CPA5: variants seen among roughly 807,000 people sequenced by gnomAD.
CPA5 encodes carboxypeptidase A5, also known as testicular tissue protein Li 32.
A neutral mutation model predicts 52.2 loss-of-function variants in CPA5; 38 were observed. That is an observed-to-expected ratio of 0.73 (90% CI 0.56 to 0.95). CPA5 has a LOEUF of 0.95. CPA5 is among the 40% of genes least tolerant of loss of function. The pLI, the probability that CPA5 is intolerant of heterozygous loss-of-function variation, is 0.00. For synonymous variants in CPA5, 198 were observed against 213.7 expected (o/e 0.93, Z 0.64); for missense variants, 519 against 566.7 (o/e 0.92, Z 0.86).
At position 130,367,472 on chromosome 7, in the gene CPA5, T is replaced by C. The variant is rs1796160360; in HGVS notation, c.939T>C (p.His313=). 1.9e-6 allele frequency: 3 copies of C among 1,614,140 alleles called. No individual in the cohort carries two copies. The highest frequency in any genetic ancestry group is 2.5e-6 in the Non-Finnish European group (3 of 1,180,024). Residue 313 remains histidine (H), a synonymous_variant, in exon 11 of 13, where the codon CAT becomes CAC. Transcript: ENST00000474905. ...VAAIVNFITA[H]GNFKALISIH... is the part of the protein sequence containing the mutation. The stretch of plus-strand genomic sequence containing the variant: ...CCATAGTGAACTTCATCACAGCCCA[T>C]GGCAACTTCAAGGCTCTGATCTCCA...
downstream of CPA5, among the ~76,000 whole-genome samples, chr7:130,369,689 G>A (rs541852943): frequency 8.6e-5 from 13 of 151,704 alleles, no homozygotes; most frequent in South Asian, 4.2e-4. Flanking sequence ...GTGTGTGTCC[G>A]TGTGTGTGTG....
At chr7:130,367,008 AAC>A (rs1441323026) in intron 10 of CPA5, among the ~76,000 whole-genome samples, 1 of 152,246 alleles carries the variant, frequency 6.6e-6, no homozygotes, top group African/African-American at 2.4e-5. Context: ...TCAGTGGTTT[AAC>A]ACAATGAAAG....
chr7:130,366,312 G>A (rs1796080061), intron 10 of CPA5, among the ~76,000 whole-genome samples: 1 of 152,136 alleles, frequency 6.6e-6, no homozygotes, highest in Non-Finnish European at 1.5e-5. Context: ...CTGATCTCTG[G>A]ACGGTGCCAA....
At chr7:130,371,484 C>T (rs1221680738), downstream of CPA5, among the ~76,000 whole-genome samples, 2 of 152,160 alleles carry the variant, frequency 1.3e-5, no homozygotes, top group Non-Finnish European at 2.9e-5. Context: ...GGATGAGGAA[C>T]TTGTTCTCAC....
At position 130,362,990 on chromosome 7, in the gene CPA5, G is replaced by T. The variant is rs782598717; in HGVS notation, c.743G>T (p.Ser248Ile). ...CCTGATGGGTTTGCTTTTACCCACA[G>T]CATGGTGAGGGAACCTGGGAAGGAT... Reference protein sequence around the residue: ...TNPDGFAFTHSMNRLWRKNKS... With the variant: ...TNPDGFAFTHIMNRLWRKNKS... Residue 248 changes from serine to isoleucine, a missense_variant, in exon 9 of 13, where the codon AGC becomes ATC. Ser to Ile is a moderately radical substitution (Grantham distance 142). Transcript: ENST00000474905. 1.3e-5 allele frequency: 21 copies of T among 1,583,534 alleles called. No individual in the cohort carries two copies. The South Asian group carries it at 2.2e-4, about 17-fold the overall frequency.
chr7:130,356,189 G>C (rs1010534527), intron 5 of CPA5, among the ~76,000 whole-genome samples: 4 of 75,948 alleles, frequency 5.3e-5, no homozygotes, highest in African/African-American at 2.5e-4. Flanking sequence ...TCGGCTGTGA[G>C]AGATCTGCTC....
intron 5 of CPA5, among the ~76,000 whole-genome samples, chr7:130,352,640 T>G (rs1795232691): frequency 6.6e-6 from 1 of 151,656 alleles, no homozygotes; most frequent in Non-Finnish European, 1.5e-5. Context: ...TCATGGGAGG[T>G]GCTTTCACAT....
chr7:130,373,186 A>G (rs907676902), downstream of CPA5, among the ~76,000 whole-genome samples: 2 of 152,188 alleles, frequency 1.3e-5, no homozygotes, highest in Admixed American at 1.3e-4. Flanking sequence ...GCTGCTACAG[A>G]AGAACCTCCT....
chr7:130,363,513 T>C lies in CPA5; in HGVS notation c.838+4T>C, dbSNP rs1554407435. 11 of 1,577,798 alleles carry C rather than the reference T, an allele frequency of 7.0e-6. No individual in the cohort carries two copies. Among genetic ancestry groups the C allele is most frequent in the Non-Finnish European group, 8.6e-6 (10 of 1,160,776 alleles). On this transcript the variant is annotated splice_donor_region_variant and intron_variant, in intron 10 of 12. Coordinates refer to ENST00000474905, the MANE Select transcript of CPA5 (RefSeq NM_080385.5). The stretch of plus-strand genomic sequence containing the variant: ...AACTGGAAGTCGGGTTTTGGAGGTA[T>C]GGCAACCTGCTGTCCTGGGGCAGGG...
downstream of CPA5, among the ~76,000 whole-genome samples, chr7:130,372,253 C>T (rs151050470): frequency 4.7e-3 from 713 of 152,322 alleles, 5 homozygotes; most frequent in African/African-American, 0.016. Flanking sequence ...GCCGTGTGTG[C>T]GTTGCTCACT....
intron 3 of CPA5, 141 bp downstream of exon 3, chr7:130,346,742 C>A: frequency 1.6e-6 from 1 of 630,468 alleles, no homozygotes; most frequent in Non-Finnish European, 2.8e-6. Flanking sequence ...CCACTTCCAG[C>A]TCCACAGCCT....
At chr7:130,366,261 G>C (rs1187836626) in intron 10 of CPA5, among the ~76,000 whole-genome samples, 1 of 152,212 alleles carries the variant, frequency 6.6e-6, no homozygotes, top group Non-Finnish European at 1.5e-5. Flanking sequence ...CAAGAGGAAT[G>C]CTGTGGCCTC....
chr7:130,374,017 T>G, the CPA5 span, among the ~76,000 whole-genome samples: 1 of 150,198 alleles, frequency 6.7e-6, no homozygotes, highest in Non-Finnish European at 1.5e-5. Context: ...TATTTATTGC[T>G]GTCACTTTGT....
At chr7:130,367,663 C>A in intron 11 of CPA5, 92 bp downstream of exon 11, 1 of 1,288,762 alleles carries the variant, frequency 7.8e-7, no homozygotes. Flanking sequence ...GGTTGTTACT[C>A]TGAATGCAGG....
intron 12 of CPA5, 47 bp from the exon 13 acceptor site, chr7:130,368,363 T>C (rs782635025): frequency 1.3e-6 from 2 of 1,587,740 alleles, no homozygotes; most frequent in East Asian, 4.5e-5. Context: ...TGCAGCCACA[T>C]CCCCTTCTTC....
intron 5 of CPA5, among the ~76,000 whole-genome samples, chr7:130,351,891 G>A (rs997484784): frequency 1.1e-4 from 16 of 152,080 alleles, no homozygotes; most frequent in Middle Eastern, 6.3e-3. Flanking sequence ...TGACTTGCTC[G>A]GTTGGGGAGT....
chr7:130,345,745 C>T (rs1028693209), intron 1 of CPA5, 94 bp from the exon 2 acceptor site: 32 of 152,268 alleles, frequency 2.1e-4, no homozygotes, highest in African/African-American at 7.7e-4. Context: ...CTCTTCTCTT[C>T]CCCTTCTCCC....
At chr7:130,348,225 A>T (rs554169489) in intron 4 of CPA5, among the ~76,000 whole-genome samples, 88 of 152,098 alleles carry the variant, frequency 5.8e-4, no homozygotes, top group Non-Finnish European at 1.1e-3. Context: ...CCCAAGTGAA[A>T]CGGCTTAGCT....
chr7:130,373,895 C>A, the CPA5 span, among the ~76,000 whole-genome samples: 1 of 152,232 alleles, frequency 6.6e-6, no homozygotes, highest in South Asian at 2.1e-4. Context: ...ATTTGGGAAA[C>A]GTGTTATCAT....
Sources: allele counts gnomAD v4.1 joint callset (sites outside exome capture counted in the v4.1 genomes callset), GRCh38; gene constraint gnomAD v4.1.1; transcripts MANE v1.5; gene names NCBI Gene and HGNC (gene_info 2026-07-23, HGNC 2026-07-21).